Variants in DZIP1 observed in about 807,000 individuals in gnomAD.
The protein encoded by DZIP1 is DAZ interacting zinc finger protein 1, also known as cilium assembly protein DZIP1.
A neutral mutation model predicts 107.6 loss-of-function variants in DZIP1; 97 were observed. The observed-to-expected ratio is 0.90, with a 90% confidence interval of 0.77 to 1.07. The LOEUF (loss-of-function observed/expected upper bound fraction) is 1.07, where lower values mean the gene tolerates loss of function less well. Among genes scored for constraint, DZIP1 ranks in the 50% least tolerant of loss-of-function variants. The pLI is 0.00. For synonymous variants in DZIP1, 390 were observed against 386.4 expected, an observed-to-expected ratio of 1.01 and a Z score of -0.11; for missense variants, 1,035 against 1,063.6, an observed-to-expected ratio of 0.97 and a Z score of 0.37.
rs116753252 is a variant in DZIP1 at position 95,616,547 on chromosome 13, A to C, written c.1173+3338T>G. Among the ~76,000 whole-genome samples the C allele has an allele frequency of 9.1e-3, 1,393 of 152,290 alleles. 23 individuals are homozygous for C. Among genetic ancestry groups the C allele is most frequent in the African/African-American group, 0.032 (1,315 of 41,558 alleles). On this transcript the variant is annotated intron_variant, in intron 10 of 22. Transcript: ENST00000376829. ...TTGGAGAGATAGACAATAAACAAGGAAACAAATAAGCAAGTAAACTATTTA... is the reference window on the plus strand; with the variant it reads ...TTGGAGAGATAGACAATAAACAAGGCAACAAATAAGCAAGTAAACTATTTA...
At chr13:95,588,640 T>A (rs11841046) in intron 19 of DZIP1, among the ~76,000 whole-genome samples, 90,465 of 151,984 alleles carry the variant, frequency 0.6, 27,325 homozygotes, top group African/African-American at 0.67. Context: ...ATACTACAGA[T>A]AAGAAAACAG....
At chr13:95,625,025 A>C in intron 7 of DZIP1, 96 bp from the exon 8 acceptor site, 2 of 1,088,676 alleles carry the variant, frequency 1.8e-6, no homozygotes, top group Non-Finnish European at 2.6e-6. Context: ...CAAAAATGTT[A>C]GCTAGTATTG....
chr13:95,633,289 T>C lies in DZIP1; in HGVS notation c.630A>G (p.Gln210=). The change falls in exon 6 of 23, where the codon CAA becomes CAG. Residue 210 remains glutamine, a synonymous_variant. Transcript: ENST00000376829. Reference sequence around the variant, plus strand: ...GTTGAATGTGACTTTGTAGAAAAGCTTGGTTCATAAAGGCCTTGTCACAAA... The same window carrying C: ...GTTGAATGTGACTTTGTAGAAAAGCCTGGTTCATAAAGGCCTTGTCACAAA... ...CHFCDKAFMN[Q]AFLQSHIQRR... is the part of the protein sequence containing the mutation. The C allele has an allele frequency of 6.2e-7, 1 of 1,614,178 alleles. No homozygotes were observed. The highest frequency in any genetic ancestry group is 8.5e-7 in the Non-Finnish European group (1 of 1,180,022).
chr13:95,634,321 T>C (rs553953566), intron 5 of DZIP1, among the ~76,000 whole-genome samples: 1 of 152,350 alleles, frequency 6.6e-6, no homozygotes, highest in South Asian at 2.1e-4. Context: ...TGTCACAGTC[T>C]CTGTCACATC....
At chr13:95,598,114 T>C (rs778017287) in intron 15 of DZIP1, among the ~76,000 whole-genome samples, 16 of 152,214 alleles carry the variant, frequency 1.1e-4, no homozygotes, top group Non-Finnish European at 1.9e-4. Context: ...TTTTATGGCT[T>C]TATGTAATTT....
chr13:95,601,792 T>G (rs2044623519), intron 14 of DZIP1, among the ~76,000 whole-genome samples: 1 of 152,332 alleles, frequency 6.6e-6, no homozygotes, highest in South Asian at 2.1e-4. Flanking sequence ...ATGCCACCGC[T>G]GTCCACCCAT....
rs1166317771 is a variant in DZIP1, at chr13:95,612,067, C to T, written c.1284G>A (p.Gln428=). The change falls in exon 11 of 23, where the codon CAG becomes CAA. Residue 428 remains glutamine, a synonymous_variant. Transcript: ENST00000376829. ...GTCTCTGAGTTATAATCAGCTCATT[C>T]TGCTCCTGGAGTCTCTGCCCTAGCT... ...IEELGQRLQE[Q]NELIITQRQQ... 1.9e-6 allele frequency: 3 copies of T among 1,613,688 alleles called. No individual in the cohort carries two copies. Among genetic ancestry groups the T allele is most frequent in the Non-Finnish European group, 2.5e-6 (3 of 1,180,004 alleles).
At chr13:95,590,037 A>C in intron 17 of DZIP1, 105 bp from the exon 18 acceptor site, 1 of 1,400,208 alleles carries the variant, frequency 7.1e-7, no homozygotes. Flanking sequence ...GCAATGAACA[A>C]TCCCATCTCT....
In DZIP1 at chr13:95,589,830, A is replaced by T. The variant is rs552113905; in HGVS notation, c.1946T>A (p.Val649Asp). The T allele has an allele frequency of 7.3e-5, 118 of 1,614,050 alleles. 1 individual carries two copies. The South Asian group carries it at 1.2e-3, about 17-fold the overall frequency. The change falls in exon 18 of 23, where the codon GTT (valine) becomes GAT (aspartate). Residue 649 changes from valine (V) to aspartate (D), a missense_variant. Val to Asp is a radical substitution (Grantham distance 152, BLOSUM62 -3). Coordinates refer to ENST00000376829, the MANE Select transcript of DZIP1 (RefSeq NM_198968.4). The part of the protein sequence containing the change: ...KNRQLIRQKA[V>D]STDRTSVPKI... The stretch of plus-strand genomic sequence containing the variant: ...TGGAACAGATGTCCTATCAGTAGAA[A>T]CAGCTTTTTGTCTAATCAGTTGTCT...
intron 11 of DZIP1, 71 bp downstream of exon 11, chr13:95,611,966 G>T: frequency 1.3e-6 from 2 of 1,549,678 alleles, no homozygotes; most frequent in Non-Finnish European, 1.7e-6. Flanking sequence ...ATGCTCTAAA[G>T]TAAAAACACA....
At chr13:95,587,183 G>A (rs1399463138) in intron 20 of DZIP1, among the ~76,000 whole-genome samples, 5 of 152,158 alleles carry the variant, frequency 3.3e-5, no homozygotes, top group African/African-American at 2.4e-5. Context: ...GGACAGAGGC[G>A]CGGAACAGAC....
At chr13:95,617,881 G>A (rs972570341) in intron 10 of DZIP1, 3 of 518,808 alleles carry the variant, frequency 5.8e-6, no homozygotes, top group Non-Finnish European at 1.2e-5. Flanking sequence ...GTTCCATAGA[G>A]TGGGCCCTGC....
intron 7 of DZIP1, among the ~76,000 whole-genome samples, chr13:95,626,729 T>G (rs961741197): frequency 2.0e-5 from 3 of 152,196 alleles, no homozygotes; most frequent in African/African-American, 4.8e-5. Context: ...ATACCAGCAA[T>G]GAACAATCCA....
At chr13:95,636,097 A>G (rs964148677) in intron 5 of DZIP1, among the ~76,000 whole-genome samples, 4 of 152,148 alleles carry the variant, frequency 2.6e-5, no homozygotes, top group African/African-American at 7.2e-5. Context: ...TGTTCTTCAC[A>G]ATCTATTCAC....
In DZIP1 at chr13:95,600,750, C is replaced by T. The variant is rs548805789; in HGVS notation, c.1478-1326G>A. Among the ~76,000 whole-genome samples the T allele has an allele frequency of 8.6e-4, 131 of 152,236 alleles. No individual in the cohort carries two copies. The Middle Eastern group carries it at 0.014, about 16-fold the overall frequency. ...GGAGAAACGCATCTTAAACTACTTTCAAGTTAACTTCTGGAATACAGCCTA... is the reference window on the plus strand; with the variant it reads ...GGAGAAACGCATCTTAAACTACTTTTAAGTTAACTTCTGGAATACAGCCTA... On this transcript the variant is annotated intron_variant, in intron 14 of 22. Coordinates refer to ENST00000376829, the MANE Select transcript of DZIP1 (RefSeq NM_198968.4).
At chr13:95,615,694 C>G (rs1160263414) in intron 10 of DZIP1, among the ~76,000 whole-genome samples, 1 of 152,188 alleles carries the variant, frequency 6.6e-6, no homozygotes. Flanking sequence ...GCCTGTTTTC[C>G]TTCCCGGCTG....
In DZIP1 at chr13:95,641,751, G is replaced by T. The variant is rs1423300796; in HGVS notation, c.141C>A (p.Pro47=). 1 of 1,587,706 alleles carries T rather than the reference G, an allele frequency of 6.3e-7. No homozygotes were observed. Residue 47 remains proline (P), a synonymous_variant, in exon 5 of 23, where the codon CCC becomes CCA. Transcript: ENST00000376829. The surrounding 1 kb of genome is among the most constrained non-coding windows in gnomAD (Gnocchi z 4.3). ...GCAGGGGCCCCGAAGCCGCGCTGGG[G>T]GGCGCACAGGCCATGGAGGCCGCAC... The part of the protein sequence containing the change: ...AAGAASMACA[P]PSAASGPLPF...
chr13:95,620,506 G>T (rs1363814803), intron 9 of DZIP1, among the ~76,000 whole-genome samples: 1 of 152,080 alleles, frequency 6.6e-6, no homozygotes, highest in Admixed American at 6.5e-5. Context: ...TTTACCATAA[G>T]GCAGGGGTCA....
chr13:95,633,165 C>T lies in DZIP1; in HGVS notation c.685+69G>A, dbSNP rs915948785. On this transcript the variant is annotated intron_variant, in intron 6 of 22. Coordinates refer to ENST00000376829, the MANE Select transcript of DZIP1 (RefSeq NM_198968.4). ...TAAGAGGACTGGGAAATGCACTGGA[C>T]CAAGTCTCATTGCCAAAAGAAAAAG... 2.8e-6 allele frequency: 4 copies of T among 1,407,746 alleles called. No homozygotes were observed. In the African/African-American group the frequency reaches 4.3e-5, roughly 15 times the overall value. The allele number at this position is 1,407,746 out of a possible 1,614,324, so 87.2% of individuals were successfully genotyped here.
Sources: gnomAD v4.1 joint callset for allele counts (sites outside exome capture counted in the v4.1 genomes callset) on GRCh38, gnomAD v4.1.1 for gene constraint, Gnocchi (gnomAD v3.1) non-coding constraint, MANE v1.5 for transcripts, NCBI Gene and HGNC (gene_info 2026-07-23, HGNC 2026-07-21) for gene names.